SUMF1: variants seen among roughly 807,000 people sequenced by gnomAD.
SUMF1 encodes sulfatase modifying factor 1.
SUMF1 carries 48 observed loss-of-function variants against 47.6 expected under a neutral mutation model. The ratio of observed to expected loss-of-function variants is 1.01; its 90% CI spans 0.80 to 1.28. The LOEUF (loss-of-function observed/expected upper bound fraction) is 1.28. SUMF1 is among the 50% of genes most tolerant of loss of function. The pLI is 0.00. For missense variants in SUMF1, 571 were observed against 485.4 expected (o/e 1.18, Z -1.66); for synonymous variants, 230 against 192.1 (o/e 1.20, Z -1.63).
intron 8 of SUMF1, among the ~76,000 whole-genome samples, chr3:4,159,449 C>G (rs1574937095): frequency 2.0e-5 from 3 of 151,794 alleles, no homozygotes; most frequent in Admixed American, 2.0e-4. Flanking sequence ...TACATTTTAA[C>G]TTCATTTTGC....
chr3:4,321,442 C>A, intron 8 of SUMF1, among the ~76,000 whole-genome samples: 1 of 118,646 alleles, frequency 8.4e-6, no homozygotes, highest in Non-Finnish European at 1.6e-5. Context: ...ACTGGAGCAT[C>A]TTGTAGTGCC....
At chr3:4,181,882 C>A (rs751684102) in intron 8 of SUMF1, among the ~76,000 whole-genome samples, 8 of 152,054 alleles carry the variant, frequency 5.3e-5, no homozygotes, top group African/African-American at 9.7e-5. Flanking sequence ...GGAACACAGG[C>A]TGCTGATTGG....
At chr3:4,216,776 C>A (rs1191832421) in intron 8 of SUMF1, among the ~76,000 whole-genome samples, 3 of 152,180 alleles carry the variant, frequency 2.0e-5, no homozygotes, top group Admixed American at 1.3e-4. Flanking sequence ...CTCATCATCA[C>A]TGATCATCAG....
At chr3:4,100,821 C>A (rs1693014817) in intron 8 of SUMF1, among the ~76,000 whole-genome samples, 1 of 151,782 alleles carries the variant, frequency 6.6e-6, no homozygotes, top group Non-Finnish European at 1.5e-5. Flanking sequence ...AAACAAATAA[C>A]CCCATTTAAA....
intron 7 of SUMF1, among the ~76,000 whole-genome samples, chr3:4,403,684 T>C (rs774589379): frequency 5.9e-5 from 9 of 151,948 alleles, no homozygotes; most frequent in Non-Finnish European, 1.0e-4. Context: ...AGGATTTGAG[T>C]TGGACAGAGG....
intron 8 of SUMF1, among the ~76,000 whole-genome samples, chr3:4,190,420 C>A (rs1695290216): frequency 6.6e-6 from 1 of 151,444 alleles, no homozygotes; most frequent in Non-Finnish European, 1.5e-5. Context: ...TTATAACATC[C>A]TTTCAGCCTC....
chr3:4,117,488 T>C (rs1278456421), intron 8 of SUMF1, among the ~76,000 whole-genome samples: 1 of 152,036 alleles, frequency 6.6e-6, no homozygotes, highest in Non-Finnish European at 1.5e-5. Flanking sequence ...CTGGAACTTG[T>C]TTTCTTAGTT....
rs138590779 is a variant in SUMF1 at position 4,064,952 on chromosome 3, G to A, written c.1191+3617C>T. ...TTTCATTAAACTGATGTAACAAATG[G>A]AAGCACAGAGGAAGAAACACTCTAA... On this transcript the variant is annotated intron_variant and NMD_transcript_variant, in intron 9 of 12. Coordinates refer to the SUMF1 transcript ENST00000448413. Among the ~76,000 whole-genome samples the A allele has an allele frequency of 6.2e-4, 95 of 152,234 alleles. 1 individual carries two copies. The highest frequency in any genetic ancestry group is 1.9e-3 in the African/African-American group (78 of 41,536).
At chr3:4,397,803 C>T (rs577525689) in intron 7 of SUMF1, among the ~76,000 whole-genome samples, 39 of 152,170 alleles carry the variant, frequency 2.6e-4, no homozygotes, top group Middle Eastern at 3.4e-3. Flanking sequence ...AAATGTCTTC[C>T]ATGGATTAGA....
intron 8 of SUMF1, among the ~76,000 whole-genome samples, chr3:4,198,048 G>C (rs1448547696): frequency 8.3e-6 from 1 of 121,122 alleles, no homozygotes; most frequent in Non-Finnish European, 1.8e-5. Context: ...TTTTTTTTCG[G>C]AAAGAGAGAT....
chr3:4,392,936 T>C (rs1370151440), intron 7 of SUMF1, among the ~76,000 whole-genome samples: 1 of 152,132 alleles, frequency 6.6e-6, no homozygotes, highest in African/African-American at 2.4e-5. Context: ...CCCACTGGGC[T>C]TTCACCTTTC....
At chr3:4,395,557 C>A (rs570798623) in intron 7 of SUMF1, among the ~76,000 whole-genome samples, 1 of 152,068 alleles carries the variant, frequency 6.6e-6, no homozygotes, top group African/African-American at 2.4e-5. Context: ...GAAAGAAGAG[C>A]GCAGTAAAAC....
At chr3:4,037,093 C>T (rs1295523475) in intron 9 of SUMF1, among the ~76,000 whole-genome samples, 1 of 152,130 alleles carries the variant, frequency 6.6e-6, no homozygotes, top group Non-Finnish European at 1.5e-5. Context: ...AACTAGACTA[C>T]ACCACAGAAA....
At chr3:4,406,354 A>C (rs961497795) in intron 7 of SUMF1, among the ~76,000 whole-genome samples, 10 of 152,136 alleles carry the variant, frequency 6.6e-5, no homozygotes, top group Non-Finnish European at 1.3e-4. Flanking sequence ...TTATTCCAAA[A>C]TTAGAGTTCT....
chr3:4,148,456 A>G (rs1694244815), intron 8 of SUMF1, among the ~76,000 whole-genome samples: 1 of 152,170 alleles, frequency 6.6e-6, no homozygotes, highest in Admixed American at 6.5e-5. Context: ...GAAAACTCCT[A>G]CCTCACAAGA....
chr3:4,048,634 CT>C, intron 9 of SUMF1, among the ~76,000 whole-genome samples: 1 of 151,724 alleles, frequency 6.6e-6, no homozygotes, highest in East Asian at 1.9e-4. Flanking sequence ...TTTTAATTTC[CT>C]TTTTTAGGCC....
intron 8 of SUMF1, among the ~76,000 whole-genome samples, chr3:4,144,883 A>C (rs531129053): frequency 6.6e-6 from 1 of 152,320 alleles, no homozygotes; most frequent in Admixed American, 6.5e-5. Flanking sequence ...CCACAGAATT[A>C]TTCTTACGGT....
At chr3:4,316,700 C>A in intron 8 of SUMF1, 1 of 1,551,058 alleles carries the variant, frequency 6.4e-7, no homozygotes, top group East Asian at 2.4e-5. Context: ...TTTTATATGA[C>A]AACCGGCGAC....
rs149966016 is a variant in SUMF1, at chr3:4,374,904, G to A, written c.1014+1426C>T. Among the ~76,000 whole-genome samples the A allele has an allele frequency of 3.8e-3, 572 of 152,170 alleles. 5 individuals are homozygous for A. Among genetic ancestry groups the A allele is most frequent in the African/African-American group, 0.013 (546 of 41,520 alleles). On this transcript the variant is annotated intron_variant, in intron 8 of 8. Transcript: ENST00000272902. ...AGGCCGGGCACAGTGGCTGATGCCT[G>A]TAATCCCAACACTTTGGGAAGCAAA...
Sources: gnomAD v4.1 joint callset for allele counts (sites outside exome capture counted in the v4.1 genomes callset) on GRCh38, gnomAD v4.1.1 for gene constraint, MANE v1.5 for transcripts, NCBI Gene and HGNC (gene_info 2026-07-23, HGNC 2026-07-21) for gene names.